Variants in ZNF385D observed in about 807,000 individuals in gnomAD.
ZNF385D encodes zinc finger protein 385D.
Under a neutral mutation model 35.8 loss-of-function variants are expected in ZNF385D, and 15 were observed. The observed-to-expected ratio is 0.42, with a 90% CI of 0.28 to 0.64. The LOEUF (loss-of-function observed/expected upper bound fraction) is 0.64. Among genes scored for constraint, ZNF385D ranks in the 30% least tolerant of loss-of-function variants. The pLI, the probability that ZNF385D is intolerant of heterozygous loss-of-function variation, is 0.23. For missense variants in ZNF385D, 474 were observed against 494.6 expected, an observed-to-expected ratio of 0.96 and a Z score of 0.39; for synonymous variants, 212 against 186.8, an observed-to-expected ratio of 1.13 and a Z score of -1.10.
intron 2 of ZNF385D, among the ~76,000 whole-genome samples, chr3:22,284,064 T>C (rs958509893): frequency 1.3e-5 from 2 of 152,114 alleles, no homozygotes; most frequent in Non-Finnish European, 2.9e-5. Flanking sequence ...AAAATTAACA[T>C]TGGACCTCAT....
chr3:22,206,933 T>C (rs527507887), intron 2 of ZNF385D, among the ~76,000 whole-genome samples: 2 of 151,758 alleles, frequency 1.3e-5, no homozygotes, highest in East Asian at 1.9e-4. Flanking sequence ...ATAAATGAAA[T>C]TGAAACAAAA....
intron 2 of ZNF385D, among the ~76,000 whole-genome samples, chr3:22,327,214 G>A (rs1021224798): frequency 6.6e-6 from 1 of 151,992 alleles, no homozygotes; most frequent in Admixed American, 6.6e-5. Flanking sequence ...AAATCCATTC[G>A]AAAACTGGTA....
At chr3:21,837,079 AT>A (rs1453339418) in intron 3 of ZNF385D, among the ~76,000 whole-genome samples, 3 of 152,068 alleles carry the variant, frequency 2.0e-5, no homozygotes, top group Admixed American at 6.6e-5. Flanking sequence ...TAAAGTATAA[AT>A]TTTTTCATAT....
chr3:22,366,134 C>T (rs1696646737), intron 2 of ZNF385D, among the ~76,000 whole-genome samples: 1 of 151,988 alleles, frequency 6.6e-6, no homozygotes, highest in Admixed American at 6.6e-5. Context: ...AAATTTGGCC[C>T]TTCCTGGCTG....
chr3:21,797,105 C>G lies in ZNF385D; in HGVS notation c.326-132077G>C, dbSNP rs1459224107. On this transcript the variant is annotated intron_variant, in intron 3 of 5. Coordinates refer to the ZNF385D transcript ENST00000494108. The stretch of plus-strand genomic sequence containing the variant: ...CAAAACACATATCTGATAAAGGACT[C>G]TCATCCAAAATATACAAAGAACTAT... 2.6e-5 allele frequency among the ~76,000 whole-genome samples: 4 copies of G among 152,294 alleles called. No individual in the cohort carries two copies. The East Asian group carries it at 5.8e-4, about 22-fold the overall frequency.
At chr3:22,358,322 C>A (rs1575190733) in intron 2 of ZNF385D, among the ~76,000 whole-genome samples, 1 of 151,978 alleles carries the variant, frequency 6.6e-6, no homozygotes, top group South Asian at 2.1e-4. Flanking sequence ...TTGTTGAGAC[C>A]AGTCCTAAAT....
At chr3:22,142,715 G>A (rs1026474670) in intron 3 of ZNF385D, among the ~76,000 whole-genome samples, 1 of 151,978 alleles carries the variant, frequency 6.6e-6, no homozygotes, top group African/African-American at 2.4e-5. Context: ...AGACGAATGA[G>A]ATCAATGAGG....
intron 3 of ZNF385D, among the ~76,000 whole-genome samples, chr3:22,143,259 T>A (rs1450597200): frequency 1.3e-5 from 2 of 151,998 alleles, no homozygotes; most frequent in South Asian, 4.1e-4. Context: ...ATTTTTTTGT[T>A]TGTTTTAGTA....
chr3:21,888,542 A>T (rs1377020996), intron 3 of ZNF385D, among the ~76,000 whole-genome samples: 4 of 152,176 alleles, frequency 2.6e-5, no homozygotes, highest in Non-Finnish European at 5.9e-5. Flanking sequence ...CCGAGAGTTT[A>T]TTAGTAACTT....
intron 2 of ZNF385D, among the ~76,000 whole-genome samples, chr3:22,247,907 A>G (rs1023693673): frequency 3.3e-5 from 5 of 152,092 alleles, no homozygotes; most frequent in East Asian, 3.9e-4. Context: ...CCGGCCTACA[A>G]TTTTTAATAT....
At chr3:21,786,464 A>G (rs975179617) in intron 3 of ZNF385D, among the ~76,000 whole-genome samples, 1 of 152,218 alleles carries the variant, frequency 6.6e-6, no homozygotes. Flanking sequence ...AATGGGATAT[A>G]GTGCCTCCAG....
At chr3:22,280,938 G>T (rs1469590150) in intron 2 of ZNF385D, among the ~76,000 whole-genome samples, 2 of 151,918 alleles carry the variant, frequency 1.3e-5, no homozygotes, top group Non-Finnish European at 2.9e-5. Flanking sequence ...CCTTGTAGAG[G>T]TCTTCACCTC....
chr3:21,559,340 G>C (rs1283000327), intron 3 of ZNF385D, among the ~76,000 whole-genome samples: 1 of 152,160 alleles, frequency 6.6e-6, no homozygotes. Context: ...TTCTTCAGGA[G>C]CTCTTGTAAG....
chr3:21,864,754 CTTGT>C (rs1697243051), intron 3 of ZNF385D, among the ~76,000 whole-genome samples: 1 of 151,980 alleles, frequency 6.6e-6, no homozygotes. Flanking sequence ...TATCTGTCAC[CTTGT>C]TTAATTCTAT....
intron 1 of ZNF385D, among the ~76,000 whole-genome samples, chr3:21,750,366 C>T (rs1216288486): frequency 6.6e-6 from 1 of 152,212 alleles, no homozygotes; most frequent in Non-Finnish European, 1.5e-5. Context: ...TGCTAGGCTG[C>T]TCCTAGCTAG....
intron 2 of ZNF385D, among the ~76,000 whole-genome samples, chr3:21,610,558 C>A (rs1192395531): frequency 6.6e-6 from 1 of 151,838 alleles, no homozygotes; most frequent in South Asian, 2.1e-4. Flanking sequence ...ATCATGAGGT[C>A]AGGAGATCGA....
chr3:21,740,502 G>A (rs143502193), intron 1 of ZNF385D, among the ~76,000 whole-genome samples: 1 of 152,232 alleles, frequency 6.6e-6, no homozygotes, highest in East Asian at 1.9e-4. Flanking sequence ...ACTGTAATAT[G>A]GACTTCTTTT....
At chr3:21,505,005 G>C (rs1198000502) in intron 4 of ZNF385D, among the ~76,000 whole-genome samples, 1 of 152,166 alleles carries the variant, frequency 6.6e-6, no homozygotes, top group Non-Finnish European at 1.5e-5. Flanking sequence ...CAGGATGTGG[G>C]TAGTAACAAC....
At chr3:22,078,400 T>C (rs1198570677) in intron 3 of ZNF385D, among the ~76,000 whole-genome samples, 1 of 152,060 alleles carries the variant, frequency 6.6e-6, no homozygotes. Flanking sequence ...GATCCAACCA[T>C]GCAGTGCTAC....
Sources: gnomAD v4.1 joint callset for allele counts (sites outside exome capture counted in the v4.1 genomes callset) on GRCh38, gnomAD v4.1.1 for gene constraint, MANE v1.5 for transcripts, NCBI Gene and HGNC (gene_info 2026-07-23, HGNC 2026-07-21) for gene names.